The following LSM8 variants were observed in gnomAD, a reference collection of about 807,000 sequenced individuals.
LSM8 encodes the protein LSM8 homolog, U6 small nuclear RNA associated, also known as LSM8 U6 small nuclear RNA associated.
Under a neutral mutation model 15.0 loss-of-function variants are expected in LSM8, and 14 were observed. The ratio of observed to expected loss-of-function variants is 0.93; its 90% CI spans 0.62 to 1.46. LSM8 has a LOEUF of 1.46. Ranked by LOEUF, LSM8 falls within the 40% of genes most tolerant of loss-of-function variation. The pLI is 0.00. For missense variants in LSM8, 90 were observed against 115.4 expected, an observed-to-expected ratio of 0.78 and a Z score of 1.01; for synonymous variants, 50 against 42.1, an observed-to-expected ratio of 1.19 and a Z score of -0.73.
intron 2 of LSM8, 120 bp from the exon 3 acceptor site, chr7:118,188,158 T>A (rs1162100350): frequency 8.9e-7 from 1 of 1,127,780 alleles, no homozygotes; most frequent in Non-Finnish European, 1.3e-6. Flanking sequence ...GGCATTTTAT[T>A]TGCCGTCGTA....
At position 118,192,589 on chromosome 7, in the gene LSM8, A is replaced by G. The variant is rs1341488208; in HGVS notation, c.*587A>G. Reference sequence around the variant, plus strand: ...AGATTGGCCCAAAATTCTAACTTGAATATTAAGAATGACTAGGAATGGTAG... The same window carrying G: ...AGATTGGCCCAAAATTCTAACTTGAGTATTAAGAATGACTAGGAATGGTAG... On this transcript the variant is annotated 3_prime_UTR_variant, in exon 4 of 4. Coordinates refer to ENST00000249299, the MANE Select transcript of LSM8 (RefSeq NM_016200.5). The G allele has an allele frequency of 6.6e-6, 1 of 152,214 alleles. No individual in the cohort carries two copies. The highest frequency in any genetic ancestry group is 2.4e-5 in the African/African-American group (1 of 41,460). 9.4% of individuals were successfully genotyped at this position (152,214 alleles called of 1,614,324 possible). A position where few individuals can be genotyped will look rare whatever the true frequency, so the allele number is the denominator to read the frequency against.
chr7:118,198,447 T>C lies in LSM8; in HGVS notation c.*6445T>C, dbSNP rs1398210224. On this transcript the variant is annotated 3_prime_UTR_variant, in exon 4 of 4. Coordinates refer to ENST00000249299, the MANE Select transcript of LSM8 (RefSeq NM_016200.5). ...TTAACAACTCATTAGTAATCCTTCA[T>C]TTCCTGAGTATTTACTGCATGACAG... Among the ~76,000 whole-genome samples the C allele has an allele frequency of 6.6e-6, 1 of 150,656 alleles. No individual in the cohort carries two copies. The highest frequency in any genetic ancestry group is 1.5e-5 in the Non-Finnish European group (1 of 67,734).
In LSM8 at chr7:118,201,017, A is replaced by G. The variant is rs1246994378; in HGVS notation, c.*9015A>G. Among the ~76,000 whole-genome samples the G allele has an allele frequency of 3.3e-5, 5 of 152,106 alleles. No individual in the cohort carries two copies. Among genetic ancestry groups the G allele is most frequent in the Non-Finnish European group, 7.4e-5 (5 of 68,002 alleles). ...TTGACTTGAAATTTGTGATACTTCA[A>G]CTTGTGCTAGGTTGTAGTTTTGCTT... On this transcript the variant is annotated 3_prime_UTR_variant, in exon 4 of 4. Transcript: ENST00000249299.
At chr7:118,188,606 T>C (rs1808925793) in intron 3 of LSM8, 1 of 416,340 alleles carries the variant, frequency 2.4e-6, no homozygotes. Flanking sequence ...TCTTTAGGTT[T>C]CAACCAAAGC....
rs79905239 is a variant in LSM8 at position 118,196,516 on chromosome 7, TCTC to T, written c.*4517_*4519del. ...TCTTTCATTAGTTAACAGTATGCCA[TCTC>T]CTACTTACTGGCATCATCTGGGGAA... is the stretch of plus-strand genomic sequence containing the variant. On this transcript the variant is annotated 3_prime_UTR_variant, in exon 4 of 4. Coordinates refer to ENST00000249299, the MANE Select transcript of LSM8 (RefSeq NM_016200.5). Among the ~76,000 whole-genome samples, 10,417 of 152,084 alleles carry T rather than the reference TCTC, an allele frequency of 0.068. 378 individuals are homozygous for T. The highest frequency in any genetic ancestry group is 0.11 in the East Asian group (559 of 5,168).
intron 1 of LSM8, 36 bp downstream of exon 1, chr7:118,184,290 G>A: frequency 6.8e-7 from 1 of 1,461,826 alleles, no homozygotes; most frequent in Non-Finnish European, 9.1e-7. Flanking sequence ...CGTGAGCCGG[G>A]GTCGCGGAGA....
rs1245698619 is a variant in LSM8 at position 118,201,804 on chromosome 7, G to T, written c.*9802G>T. Among the ~76,000 whole-genome samples, 1 of 151,926 alleles carries T rather than the reference G, an allele frequency of 6.6e-6. No individual in the cohort carries two copies. Among genetic ancestry groups the T allele is most frequent in the Admixed American group, 6.6e-5 (1 of 15,210 alleles). On this transcript the variant is annotated 3_prime_UTR_variant, in exon 4 of 4. Transcript: ENST00000249299. ...AACACTTTAACTTTTTCCCTGTAAG[G>T]CCATCTTTTGTATGTTTCTGTTTCC... is the stretch of plus-strand genomic sequence containing the variant.
chr7:118,188,233 T>C, intron 2 of LSM8, 45 bp from the exon 3 acceptor site: 1 of 1,601,580 alleles, frequency 6.2e-7, no homozygotes, highest in South Asian at 1.1e-5. Context: ...CACTTTCAGG[T>C]AAACCAGAAT....
rs998626056 is a variant in LSM8 at position 118,194,047 on chromosome 7, A to G, written c.*2045A>G. ...AATCTATGTAATTCTTTATTCCTGG[A>G]TACAAGCACATGGTGGACTGTTTTC... On this transcript the variant is annotated 3_prime_UTR_variant, in exon 4 of 4. Coordinates refer to ENST00000249299, the MANE Select transcript of LSM8 (RefSeq NM_016200.5). Among the ~76,000 whole-genome samples, 1 of 152,160 alleles carries G rather than the reference A, an allele frequency of 6.6e-6. No individual in the cohort carries two copies. Among genetic ancestry groups the G allele is most frequent in the Non-Finnish European group, 1.5e-5 (1 of 67,980 alleles).
intron 3 of LSM8, chr7:118,190,402 A>T (rs1262873530): frequency 6.6e-6 from 1 of 152,158 alleles, no homozygotes; most frequent in Non-Finnish European, 1.5e-5. Context: ...TTCAGTGAAA[A>T]AAGTCTTGTG....
chr7:118,193,448 CT>C lies in LSM8; in HGVS notation c.*1451del, dbSNP rs1294395589. Among the ~76,000 whole-genome samples, 2 of 151,908 alleles carry C rather than the reference CT, an allele frequency of 1.3e-5. No individual in the cohort carries two copies. The highest frequency in any genetic ancestry group is 4.8e-5 in the African/African-American group (2 of 41,376). On this transcript the variant is annotated 3_prime_UTR_variant, in exon 4 of 4. Transcript: ENST00000249299. ...ACTTCATACTTATTAAACATAATAG[CT>C]TTTTGGGGGAGGAAAATATCTTCAC...
chr7:118,185,832 A>G (rs1450474962), intron 2 of LSM8, 138 bp downstream of exon 2: 2 of 717,292 alleles, frequency 2.8e-6, no homozygotes, highest in African/African-American at 3.6e-5. Context: ...GCTCTTTATC[A>G]CTTTGCTGTC....
chr7:118,184,345 G>C, intron 1 of LSM8, 91 bp downstream of exon 1: 2 of 1,356,326 alleles, frequency 1.5e-6, no homozygotes, highest in Non-Finnish European at 1.9e-6. Context: ...CCTGGCCTCG[G>C]CGGGATCCTG....
At chr7:118,187,909 A>G (rs1808913906) in intron 2 of LSM8, among the ~76,000 whole-genome samples, 1 of 152,176 alleles carries the variant, frequency 6.6e-6, no homozygotes, top group Non-Finnish European at 1.5e-5. Context: ...TTCCTTATTT[A>G]TGTATATTTG....
At chr7:118,184,443 C>T in intron 1 of LSM8, 189 bp downstream of exon 1, 3 of 588,952 alleles carry the variant, frequency 5.1e-6, no homozygotes, top group South Asian at 3.3e-5. Context: ...GCCCAGGGGT[C>T]CTTTCCATTT....
rs555730293 is a variant in LSM8, at chr7:118,197,140, C to G, written c.*5138C>G. Among the ~76,000 whole-genome samples, 3 of 151,718 alleles carry G rather than the reference C, an allele frequency of 2.0e-5. No individual in the cohort carries two copies. The highest frequency in any genetic ancestry group is 7.3e-5 in the African/African-American group (3 of 41,366). ...CCTACAAGGATATGATACGCTTTCT[C>G]TCTTCTCTTTAGGGTAATGTTCAAT... On this transcript the variant is annotated 3_prime_UTR_variant, in exon 4 of 4. Transcript: ENST00000249299.
At position 118,199,614 on chromosome 7, in the gene LSM8, A is replaced by G. The variant is rs1165916999; in HGVS notation, c.*7612A>G. 6.6e-6 allele frequency among the ~76,000 whole-genome samples: 1 copy of G among 152,148 alleles called. No homozygotes were observed. The highest frequency in any genetic ancestry group is 6.6e-5 in the Admixed American group (1 of 15,258). Reference sequence around the variant, plus strand: ...CCTTTAAGGTTGGTGCCATGGAAGGAAAACAAGTAACTTTGCAACAATCTG... The same window carrying G: ...CCTTTAAGGTTGGTGCCATGGAAGGGAAACAAGTAACTTTGCAACAATCTG... On this transcript the variant is annotated 3_prime_UTR_variant, in exon 4 of 4. Coordinates refer to ENST00000249299, the MANE Select transcript of LSM8 (RefSeq NM_016200.5).
In LSM8 at chr7:118,199,738, G is replaced by T. The variant is rs975098361; in HGVS notation, c.*7736G>T. ...GATACTAGTCTTTAAGACAGGCTTT[G>T]AGAAATTCAAGTGTAGGGTAAGGCC... On this transcript the variant is annotated 3_prime_UTR_variant, in exon 4 of 4. Transcript: ENST00000249299. Among the ~76,000 whole-genome samples, 2 of 152,060 alleles carry T rather than the reference G, an allele frequency of 1.3e-5. No homozygotes were observed. The highest frequency in any genetic ancestry group is 2.9e-5 in the Non-Finnish European group (2 of 67,978).
rs1809169410 is a variant in LSM8 at position 118,201,270 on chromosome 7, A to C, written c.*9268A>C. On this transcript the variant is annotated 3_prime_UTR_variant, in exon 4 of 4. Transcript: ENST00000249299. The stretch of plus-strand genomic sequence containing the variant: ...TTCCTTTATATTAAAGAAGAGGAGA[A>C]AATCTTAATACTAAGTATGTGTGAG... Among the ~76,000 whole-genome samples, 1 of 152,060 alleles carries C rather than the reference A, an allele frequency of 6.6e-6. No homozygotes were observed. Among genetic ancestry groups the C allele is most frequent in the Non-Finnish European group, 1.5e-5 (1 of 67,976 alleles).
Sources: gnomAD v4.1 joint callset for allele counts (sites outside exome capture counted in the v4.1 genomes callset) on GRCh38, gnomAD v4.1.1 for gene constraint, MANE v1.5 for transcripts, NCBI Gene and HGNC (gene_info 2026-07-23, HGNC 2026-07-21) for gene names.